CEMP1: variants seen among roughly 807,000 people sequenced by gnomAD.
CEMP1 encodes cementoblastoma-derived protein 1.
For missense variants in CEMP1, 387 were observed against 316.9 expected (o/e 1.22, Z -1.68); for synonymous variants, 161 against 128.6 (o/e 1.25, Z -1.71).
Position 2,530,171 on chromosome 16 carries a change from C to G in CEMP1, c.*159G>C. The G allele has an allele frequency of 2.0e-6, 3 of 1,466,634 alleles. No individual in the cohort carries two copies. Among genetic ancestry groups the G allele is most frequent in the Non-Finnish European group, 2.7e-6 (3 of 1,107,608 alleles). The allele number at this position is 1,466,634 out of a possible 1,614,324, so 90.9% of individuals were successfully genotyped here. On this transcript the variant is annotated 3_prime_UTR_variant, in exon 1 of 1. Coordinates refer to ENST00000567119, the MANE Select transcript of CEMP1 (RefSeq NM_001048212.3). ...GGGCCCGGGACCCCTGTTTTCTGCT[C>G]CCTGGACTGCCTAGCCCTGAGTGCC...
Position 2,531,113 on chromosome 16 carries a change from A to C in CEMP1, c.-40T>G. ...CAGAGCTGGCATGTTGGTCATCCCC[A>C]CCTCAGACGGGACGCCCAGTCCAGA... On this transcript the variant is annotated 5_prime_UTR_variant, in exon 1 of 1. Coordinates refer to ENST00000567119, the MANE Select transcript of CEMP1 (RefSeq NM_001048212.3). 6.5e-7 allele frequency: 1 copy of C among 1,539,252 alleles called. No individual in the cohort carries two copies.
chr16:2,531,080 C>G lies in CEMP1; in HGVS notation c.-7G>C, dbSNP rs71386675. ...CAGTGCTTGATGTGCCCATCCTCAG[C>G]TAAAACCCAGAGCTGGCATGTTGGT... On this transcript the variant is annotated 5_prime_UTR_variant, in exon 1 of 1. Transcript: ENST00000567119. The G allele has an allele frequency of 0.05, 79,502 of 1,579,420 alleles. 2,319 individuals are homozygous for G. Among genetic ancestry groups the G allele is most frequent in the Middle Eastern group, 0.11 (567 of 5,372 alleles).
In CEMP1 at chr16:2,530,239, C is replaced by T; in HGVS notation, c.*91G>A. On this transcript the variant is annotated 3_prime_UTR_variant, in exon 1 of 1. Transcript: ENST00000567119. Reference sequence around the variant, plus strand: ...TGTTTTCTCTTCTCAATAACCCTATCTCTTCACACATCCCCAGGCCCAGTG... The same window carrying T: ...TGTTTTCTCTTCTCAATAACCCTATTTCTTCACACATCCCCAGGCCCAGTG... 6.3e-7 allele frequency: 1 copy of T among 1,595,256 alleles called. No individual in the cohort carries two copies.
Position 2,530,213 on chromosome 16 carries a change from C to G in CEMP1, c.*117G>C. 5 of 1,536,818 alleles carry G rather than the reference C, an allele frequency of 3.3e-6. No individual in the cohort carries two copies. In the South Asian group the frequency reaches 4.8e-5, roughly 15 times the overall value. ...CTGAGTGCCACGGATGACCAGCGTT[C>G]TGTTTTCTCTTCTCAATAACCCTAT... is the stretch of plus-strand genomic sequence containing the variant. On this transcript the variant is annotated 3_prime_UTR_variant, in exon 1 of 1. Transcript: ENST00000567119.
At position 2,530,584 on chromosome 16, in the gene CEMP1, G is replaced by A. The variant is rs1252417352; in HGVS notation, c.490C>T (p.Pro164Ser). ...TGGCTCCCTTCCCCCTTGCTTACAG[G>A]TGCTGTCCTGGGCACAGGAGGTACG... The part of the protein sequence containing the change: ...RRVPPVPRTA[P>S]VSKGEGSHPP... Residue 164 changes from proline to serine, a missense_variant, in exon 1 of 1, where the codon CCT becomes TCT. Coordinates refer to ENST00000567119, the MANE Select transcript of CEMP1 (RefSeq NM_001048212.3). 6.2e-7 allele frequency: 1 copy of A among 1,614,164 alleles called. No individual in the cohort carries two copies. The highest frequency in any genetic ancestry group is 2.2e-5 in the East Asian group (1 of 44,890).
rs1335604794 is a variant in CEMP1 at position 2,530,103 on chromosome 16, GCA to G, written c.*225_*226del. ...GCCCACAGCCTGGTTCTGGGCCAGG[GCA>G]CAGTGCCAGGGGCTCCGCTCTGACC... On this transcript the variant is annotated 3_prime_UTR_variant, in exon 1 of 1. Transcript: ENST00000567119. 3 of 1,187,878 alleles carry G rather than the reference GCA, an allele frequency of 2.5e-6. No individual in the cohort carries two copies. The highest frequency in any genetic ancestry group is 2.9e-4 in the Middle Eastern group (1 of 3,452). 73.6% of individuals were successfully genotyped at this position (1,187,878 alleles called of 1,614,324 possible). A position where few individuals can be genotyped will look rare whatever the true frequency, so the allele number is the denominator to read the frequency against.
chr16:2,530,486 C>A lies in CEMP1; in HGVS notation c.588G>T (p.Thr196=). ...TPDVGLHQSL[T]SDPTVAVLRA... ...TGAGGACAGCCACAGTGGGGTCAGACGTCAGGGATTGGTGCAGCCCCACGT... is the reference window on the plus strand; with the variant it reads ...TGAGGACAGCCACAGTGGGGTCAGAAGTCAGGGATTGGTGCAGCCCCACGT... Residue 196 remains threonine (T), a synonymous_variant, in exon 1 of 1, where the codon ACG becomes ACT. Transcript: ENST00000567119. 5.6e-6 allele frequency: 9 copies of A among 1,614,134 alleles called. No homozygotes were observed. Among genetic ancestry groups the A allele is most frequent in the South Asian group, 1.1e-5 (1 of 91,088 alleles).
In CEMP1 at chr16:2,530,067, T is replaced by G; in HGVS notation, c.*263A>C. 1 of 880,588 alleles carries G rather than the reference T, an allele frequency of 1.1e-6. No individual in the cohort carries two copies. Among genetic ancestry groups the G allele is most frequent in the Non-Finnish European group, 1.7e-6 (1 of 595,880 alleles). The allele number at this position is 880,588 out of a possible 1,614,324, so 54.5% of individuals were successfully genotyped here. A position where few individuals can be genotyped will look rare whatever the true frequency, so the allele number is the denominator to read the frequency against. Reference sequence around the variant, plus strand: ...TGCTTTCTGCTCCTGAGTTGGGGTGTGCAGCGTGGAGCCCACAGCCTGGTT... The same window carrying G: ...TGCTTTCTGCTCCTGAGTTGGGGTGGGCAGCGTGGAGCCCACAGCCTGGTT... On this transcript the variant is annotated 3_prime_UTR_variant, in exon 1 of 1. Coordinates refer to ENST00000567119, the MANE Select transcript of CEMP1 (RefSeq NM_001048212.3).
Position 2,530,685 on chromosome 16 carries a change from A to T in CEMP1, c.389T>A (p.Leu130Gln), listed in dbSNP as rs758547354. 1 of 1,614,146 alleles carries T rather than the reference A, an allele frequency of 6.2e-7. No individual in the cohort carries two copies. Among genetic ancestry groups the T allele is most frequent in the Non-Finnish European group, 8.5e-7 (1 of 1,180,018 alleles). Reference sequence around the variant, plus strand: ...GAAATGTCTCCAGGTCCAAAGAGATAGGATGGTCTGGGCCCCACCTGTTGG... The same window carrying T: ...GAAATGTCTCCAGGTCCAAAGAGATTGGATGGTCTGGGCCCCACCTGTTGG... ...SLPTGGAQTI[L>Q]SLWTWRHFLN... Residue 130 changes from leucine (L) to glutamine (Q), a missense_variant, in exon 1 of 1, where the codon CTA becomes CAA. Coordinates refer to ENST00000567119, the MANE Select transcript of CEMP1 (RefSeq NM_001048212.3).
chr16:2,531,067 T>C lies in CEMP1; in HGVS notation c.7A>G (p.Thr3Ala). ...GCTTGCTGGCTGTCAGTGCTTGATG[T>C]GCCCATCCTCAGCTAAAACCCAGAG... MGTSSTDSQQAGH... is the reference protein window; with the variant it reads MGASSTDSQQAGH... Residue 3 changes from threonine (T) to alanine (A), a missense_variant, in exon 1 of 1, where the codon ACA becomes GCA. By Grantham distance (58) the Thr-to-Ala change is moderately conservative. Transcript: ENST00000567119. 1 of 1,589,500 alleles carries C rather than the reference T, an allele frequency of 6.3e-7. No individual in the cohort carries two copies. Among genetic ancestry groups the C allele is most frequent in the African/African-American group, 1.3e-5 (1 of 74,620 alleles).
Position 2,530,396 on chromosome 16 carries a change from A to C in CEMP1, c.678T>G (p.Val226=). The C allele has an allele frequency of 6.2e-7, 1 of 1,614,166 alleles. No homozygotes were observed. The stretch of plus-strand genomic sequence containing the variant: ...GGCCCTGGCACACACCCATGTGGCA[A>C]ACACGGGCCGTGAGGCTCCCTGAAC... The part of the protein sequence containing the change: ...RSCSGSLTAR[V]CHMGVCQGQG... The change falls in exon 1 of 1, where the codon GTT becomes GTG. Residue 226 remains valine, a synonymous_variant. Transcript: ENST00000567119.
rs2066074286 is a variant in CEMP1, at chr16:2,530,467, C to T, written c.607G>A (p.Val203Ile). The T allele has an allele frequency of 4.3e-6, 7 of 1,614,168 alleles. No individual in the cohort carries two copies. Among genetic ancestry groups the T allele is most frequent in the South Asian group, 1.1e-5 (1 of 91,086 alleles). Residue 203 changes from valine to isoleucine, a missense_variant, in exon 1 of 1, where the codon GTC becomes ATC. By Grantham distance (29) the Val-to-Ile change is conservative. Coordinates refer to ENST00000567119, the MANE Select transcript of CEMP1 (RefSeq NM_001048212.3). ...QSLTSDPTVA[V>I]LRAKRAPEAH... ...TCTGGAGCCCTCTTGGCTCTGAGGA[C>T]AGCCACAGTGGGGTCAGACGTCAGG...
Position 2,530,763 on chromosome 16 carries a change from A to C in CEMP1, c.311T>G (p.Leu104Arg). Residue 104 changes from leucine to arginine, a missense_variant, in exon 1 of 1, where the codon CTC becomes CGC. Physicochemically the swap from Leu to Arg is moderately radical, Grantham distance 102 (BLOSUM62 -2). Transcript: ENST00000567119. ...RSTPCALPQA[L>R]PQARPCPGRW... ...GCCTGGGCAGGGCCTCGCCTGAGGGAGGGCCTGGGGCAGGGCACAAGGGGT... is the reference window on the plus strand; with the variant it reads ...GCCTGGGCAGGGCCTCGCCTGAGGGCGGGCCTGGGGCAGGGCACAAGGGGT... 6.2e-7 allele frequency: 1 copy of C among 1,613,448 alleles called. No homozygotes were observed. Among genetic ancestry groups the C allele is most frequent in the Non-Finnish European group, 8.5e-7 (1 of 1,179,784 alleles).
At position 2,530,229 on chromosome 16, in the gene CEMP1, A is replaced by C. The variant is rs752744786; in HGVS notation, c.*101T>G. 6.3e-7 allele frequency: 1 copy of C among 1,576,066 alleles called. No homozygotes were observed. Among genetic ancestry groups the C allele is most frequent in the Non-Finnish European group, 8.6e-7 (1 of 1,161,130 alleles). Reference sequence around the variant, plus strand: ...ACCAGCGTTCTGTTTTCTCTTCTCAATAACCCTATCTCTTCACACATCCCC... The same window carrying C: ...ACCAGCGTTCTGTTTTCTCTTCTCACTAACCCTATCTCTTCACACATCCCC... On this transcript the variant is annotated 3_prime_UTR_variant, in exon 1 of 1. Coordinates refer to ENST00000567119, the MANE Select transcript of CEMP1 (RefSeq NM_001048212.3).
chr16:2,530,428 G>A lies in CEMP1; in HGVS notation c.143-80C>T, dbSNP rs567362201. Reference sequence around the variant, plus strand: ...GCCGTGAGGCTCCCTGAACAGCTTCGAGGCGGGTGGGCTTCTGGAGCCCTC... The same window carrying A: ...GCCGTGAGGCTCCCTGAACAGCTTCAAGGCGGGTGGGCTTCTGGAGCCCTC... On this transcript the variant is annotated intron_variant, in intron 1 of 1. Transcript: ENST00000565480. 8 of 1,614,104 alleles carry A rather than the reference G, an allele frequency of 5.0e-6. No individual in the cohort carries two copies. In the African/African-American group the frequency reaches 5.3e-5, roughly 11 times the overall value.
rs1229137938 is a variant in CEMP1, at chr16:2,531,124, G to A, written c.-51C>T. 2.6e-6 allele frequency: 4 copies of A among 1,534,082 alleles called. No individual in the cohort carries two copies. The Admixed American group carries it at 7.2e-5, about 28-fold the overall frequency. Reference sequence around the variant, plus strand: ...TGTTGGTCATCCCCACCTCAGACGGGACGCCCAGTCCAGAGCTGGTGAGCC... The same window carrying A: ...TGTTGGTCATCCCCACCTCAGACGGAACGCCCAGTCCAGAGCTGGTGAGCC... On this transcript the variant is annotated 5_prime_UTR_variant, in exon 1 of 1. Coordinates refer to ENST00000567119, the MANE Select transcript of CEMP1 (RefSeq NM_001048212.3).
chr16:2,530,139 G>A lies in CEMP1; in HGVS notation c.*191C>T. On this transcript the variant is annotated 3_prime_UTR_variant, in exon 1 of 1. Coordinates refer to ENST00000567119, the MANE Select transcript of CEMP1 (RefSeq NM_001048212.3). ...GGGGCTCCGCTCTGACCTCCAGGAG[G>A]GAGACTGGGCCCGGGACCCCTGTTT... 1 of 1,387,310 alleles carries A rather than the reference G, an allele frequency of 7.2e-7. No homozygotes were observed. Among genetic ancestry groups the A allele is most frequent in the Non-Finnish European group, 9.5e-7 (1 of 1,048,960 alleles). 85.9% of individuals were successfully genotyped at this position (1,387,310 alleles called of 1,614,324 possible). A position where few individuals can be genotyped will look rare whatever the true frequency, so the allele number is the denominator to read the frequency against.
Position 2,531,119 on chromosome 16 carries a change from G to C in CEMP1, c.-46C>G, listed in dbSNP as rs750169543. ...TGGCATGTTGGTCATCCCCACCTCA[G>C]ACGGGACGCCCAGTCCAGAGCTGGT... is the stretch of plus-strand genomic sequence containing the variant. On this transcript the variant is annotated 5_prime_UTR_variant, in exon 1 of 1. Coordinates refer to ENST00000567119, the MANE Select transcript of CEMP1 (RefSeq NM_001048212.3). The C allele has an allele frequency of 1.3e-6, 2 of 1,537,196 alleles. No individual in the cohort carries two copies. The highest frequency in any genetic ancestry group is 2.5e-5 in the South Asian group (2 of 81,292).
chr16:2,530,180 G>C lies in CEMP1; in HGVS notation c.*150C>G, dbSNP rs1327756027. The C allele has an allele frequency of 9.4e-6, 14 of 1,482,712 alleles. No individual in the cohort carries two copies. Among genetic ancestry groups the C allele is most frequent in the African/African-American group, 1.4e-5 (1 of 72,064 alleles). 91.8% of individuals were successfully genotyped at this position (1,482,712 alleles called of 1,614,324 possible). On this transcript the variant is annotated 3_prime_UTR_variant, in exon 1 of 1. Coordinates refer to ENST00000567119, the MANE Select transcript of CEMP1 (RefSeq NM_001048212.3). ...ACCCCTGTTTTCTGCTCCCTGGACT[G>C]CCTAGCCCTGAGTGCCACGGATGAC... is the stretch of plus-strand genomic sequence containing the variant.
Sources: gnomAD v4.1 joint callset for allele counts on GRCh38, gnomAD v4.1.1 for gene constraint, MANE v1.5 for transcripts, NCBI Gene and HGNC (gene_info 2026-07-23, HGNC 2026-07-21) for gene names.